Variants in TRPV3 observed in about 807,000 individuals in gnomAD.
TRPV3 encodes VRL-3.
TRPV3 carries 88 observed loss-of-function variants against 87.1 expected under a neutral mutation model. The observed-to-expected ratio is 1.01, with a 90% CI of 0.85 to 1.21. The LOEUF (loss-of-function observed/expected upper bound fraction) is 1.21, where lower values mean the gene tolerates loss of function less well. TRPV3 is among the 50% of genes most tolerant of loss of function. The probability of loss-of-function intolerance (pLI) is 0.00; values close to 1 mark genes in which losing one functional copy is unlikely to be tolerated. For missense variants in TRPV3, 1,054 were observed against 1,030.1 expected (o/e 1.02, Z -0.32); for synonymous variants, 438 against 423.3 (o/e 1.03, Z -0.43).
At chr17:3,533,042 T>A (rs1458332453) in intron 7 of TRPV3, 105 bp from the exon 8 acceptor site, 3 of 1,324,182 alleles carry the variant, frequency 2.3e-6, no homozygotes, top group African/African-American at 2.9e-5. Context: ...GATGGGCACC[T>A]CAGGTTCCCT....
Position 3,543,555 on chromosome 17 carries a change from C to G in TRPV3, c.385G>C (p.Glu129Gln). ...LKKRIFAAVSEGCVEELVELL... is the reference protein window; with the variant it reads ...LKKRIFAAVSQGCVEELVELL... ...TCTACCAACTCCTCCACGCAGCCCT[C>G]AGACACGGCTGCAAAGATGCGCTTC... The change falls in exon 5 of 18, where the codon GAG becomes CAG. Residue 129 changes from glutamate (E) to glutamine (Q), a missense_variant. Coordinates refer to ENST00000576742, the MANE Select transcript of TRPV3 (RefSeq NM_145068.4). The G allele has an allele frequency of 1.2e-6, 2 of 1,614,138 alleles. No homozygotes were observed. Among genetic ancestry groups the G allele is most frequent in the Non-Finnish European group, 1.7e-6 (2 of 1,180,020 alleles).
Position 3,532,891 on chromosome 17 carries a change from A to C in TRPV3, c.831T>G (p.Ile277Met). ...GCTCGTGCTCCATCAGCAGCTGCAC[A>C]ATCTCGGGCTGGTTGGTGCATGCTG... ...ALAACTNQPE[I>M]VQLLMEHEQT... Residue 277 changes from isoleucine to methionine, a missense_variant, in exon 8 of 18, where the codon ATT (isoleucine) becomes ATG (methionine). By Grantham distance (10) the Ile-to-Met change is conservative. Coordinates refer to ENST00000576742, the MANE Select transcript of TRPV3 (RefSeq NM_145068.4). The C allele has an allele frequency of 6.2e-7, 1 of 1,614,176 alleles. No homozygotes were observed.
At chr17:3,544,157 C>T (rs1051924032) in intron 4 of TRPV3, among the ~76,000 whole-genome samples, 7 of 152,206 alleles carry the variant, frequency 4.6e-5, no homozygotes, top group East Asian at 1.9e-4. Context: ...TACAGGCATG[C>T]GCCACCACGC....
At chr17:3,554,380 G>A (rs1292434792) in intron 2 of TRPV3, 1 of 211,836 alleles carries the variant, frequency 4.7e-6, no homozygotes, top group East Asian at 1.1e-4. Flanking sequence ...AGAGGCTCCG[G>A]GTCACCTGGA....
chr17:3,524,784 T>G, intron 12 of TRPV3, among the ~76,000 whole-genome samples: 1 of 135,514 alleles, frequency 7.4e-6, no homozygotes, highest in African/African-American at 2.8e-5. Flanking sequence ...CCAGCCTGAG[T>G]GACATAGTGA....
intron 2 of TRPV3, chr17:3,546,710 G>A (rs1308049152): frequency 4.4e-6 from 2 of 454,934 alleles, no homozygotes; most frequent in Admixed American, 2.4e-5. Context: ...AGGTGTGGTG[G>A]CTCATGCCTG....
rs2074201610 is a variant in TRPV3, at chr17:3,518,194, C to T, written c.2085+382G>A. Among the ~76,000 whole-genome samples, 1 of 152,132 alleles carries T rather than the reference C, an allele frequency of 6.6e-6. No homozygotes were observed. Among genetic ancestry groups the T allele is most frequent in the Admixed American group, 6.5e-5 (1 of 15,268 alleles). ...TTACCACCTCTGAACCCATCCTATG[C>T]ATTGGTTTCCTCAGCATGTAAGAAG... is the stretch of plus-strand genomic sequence containing the variant. On this transcript the variant is annotated intron_variant, in intron 15 of 17. Transcript: ENST00000576742. This position sits in a 1 kb window ranked among gnomAD's most constrained non-coding sequence, Gnocchi z 4.3.
At chr17:3,525,745 G>C (rs1460697706) in intron 12 of TRPV3, among the ~76,000 whole-genome samples, 1 of 151,440 alleles carries the variant, frequency 6.6e-6, no homozygotes, top group African/African-American at 2.4e-5. Context: ...TCAGCCTCCA[G>C]AGTAGCTGGG....
At position 3,513,660 on chromosome 17, in the gene TRPV3, A is replaced by G. The variant is rs1260929261; in HGVS notation, c.*257T>C. 2 of 386,688 alleles carry G rather than the reference A, an allele frequency of 5.2e-6. No homozygotes were observed. Among genetic ancestry groups the G allele is most frequent in the East Asian group, 4.0e-5 (1 of 25,230 alleles). The allele number at this position is 386,688 out of a possible 1,614,324, so 24.0% of individuals were successfully genotyped here. ...TCACCCGGGACTTCAGGAGGCTCCC[A>G]GGCTCCAGACTGCTGCTGGCTGTAG... is the stretch of plus-strand genomic sequence containing the variant. On this transcript the variant is annotated 3_prime_UTR_variant, in exon 18 of 18. Coordinates refer to ENST00000576742, the MANE Select transcript of TRPV3 (RefSeq NM_145068.4).
chr17:3,525,465 G>A lies in TRPV3; in HGVS notation c.1578-1102C>T, dbSNP rs530350854. On this transcript the variant is annotated intron_variant, in intron 12 of 17. Transcript: ENST00000576742. ...CCGGGAAAGGAGAGGAATAGGGGCT[G>A]TTGTTTAAGGGGTATGGAGTTTGAG... Among the ~76,000 whole-genome samples the A allele has an allele frequency of 2.6e-5, 4 of 152,240 alleles. No homozygotes were observed. In the South Asian group the frequency reaches 8.3e-4, roughly 32 times the overall value.
intron 2 of TRPV3, among the ~76,000 whole-genome samples, chr17:3,552,029 C>G (rs1203284106): frequency 6.7e-6 from 1 of 150,062 alleles, no homozygotes; most frequent in African/African-American, 2.4e-5. Flanking sequence ...ATTACAGGTG[C>G]CTACCACAGC....
chr17:3,528,151 C>A lies in TRPV3; in HGVS notation c.1402-25G>T. ...CCTGCAGGGAAAGAAGAGGGGTGGT[C>A]AGTATAGGAAGCAAGGAGGACAGGG... On this transcript the variant is annotated intron_variant, in intron 10 of 17. Transcript: ENST00000576742. This position sits in a 1 kb window ranked among gnomAD's most constrained non-coding sequence, Gnocchi z 4.2. 6.3e-7 allele frequency: 1 copy of A among 1,591,246 alleles called. No individual in the cohort carries two copies. Among genetic ancestry groups the A allele is most frequent in the South Asian group, 1.1e-5 (1 of 89,024 alleles).
intron 15 of TRPV3, 29 bp from the exon 16 acceptor site, chr17:3,516,598 G>C: frequency 6.5e-7 from 1 of 1,541,098 alleles, no homozygotes. Context: ...CTAAGGAGTA[G>C]GCATCCACAC....
Position 3,514,653 on chromosome 17 carries a change from T to C in TRPV3, c.2218A>G (p.Thr740Ala). The C allele has an allele frequency of 6.2e-7, 1 of 1,613,870 alleles. No homozygotes were observed. Among genetic ancestry groups the C allele is most frequent in the Non-Finnish European group, 8.5e-7 (1 of 1,179,768 alleles). ...LCLRINEVKW[T>A]EWKTHVSFLN... ...AAGGAGACGTGCGTCTTCCATTCAG[T>C]CCACTTCACCTCATTGATCCTGCAA... Residue 740 changes from threonine (T) to alanine (A), a missense_variant, in exon 17 of 18, where the codon ACT becomes GCT. Transcript: ENST00000576742.
chr17:3,526,709 GGA>G (rs1220725761), intron 12 of TRPV3, 143 bp downstream of exon 12: 6 of 662,794 alleles, frequency 9.1e-6, no homozygotes, highest in Non-Finnish European at 1.6e-5. Flanking sequence ...GAGGAAGAGA[GGA>G]GACCCCTGGC....
chr17:3,534,961 C>T (rs1054621248), intron 7 of TRPV3, among the ~76,000 whole-genome samples: 1 of 152,086 alleles, frequency 6.6e-6, no homozygotes, highest in Non-Finnish European at 1.5e-5. Context: ...GTGACACCAC[C>T]GGAACATGGA....
chr17:3,533,236 C>A (rs1343533004), intron 7 of TRPV3, among the ~76,000 whole-genome samples: 1 of 152,182 alleles, frequency 6.6e-6, no homozygotes, highest in Admixed American at 6.5e-5. Flanking sequence ...CCCACAAAGC[C>A]CTGCATACTC....
rs545280047 is a variant in TRPV3, at chr17:3,522,228, G to T, written c.1744-1189C>A. On this transcript the variant is annotated intron_variant, in intron 13 of 17. Coordinates refer to ENST00000576742, the MANE Select transcript of TRPV3 (RefSeq NM_145068.4). Reference sequence around the variant, plus strand: ...ATAGCCATATGGCAGGAATTCTAGAGCGATGTGGATCTGCATGTTTCTCCC... The same window carrying T: ...ATAGCCATATGGCAGGAATTCTAGATCGATGTGGATCTGCATGTTTCTCCC... Among the ~76,000 whole-genome samples the T allele has an allele frequency of 4.1e-4, 62 of 152,250 alleles. No individual in the cohort carries two copies. The Middle Eastern group carries it at 0.01, about 25-fold the overall frequency.
In TRPV3 at chr17:3,532,696, G is replaced by A. The variant is rs2074359668; in HGVS notation, c.1026C>T (p.Leu342=). The A allele has an allele frequency of 3.1e-6, 5 of 1,614,242 alleles. No individual in the cohort carries two copies. Among genetic ancestry groups the A allele is most frequent in the Non-Finnish European group, 4.2e-6 (5 of 1,180,046 alleles). ...ELETTRNNDG[L]TPLQLAAKMG... ...TCTTGGCGGCCAGCTGCAGCGGCGT[G>A]AGGCCATCGTTGTTGCGAGTGGTCT... Residue 342 remains leucine (L), a synonymous_variant, in exon 8 of 18, where the codon CTC becomes CTT. Coordinates refer to ENST00000576742, the MANE Select transcript of TRPV3 (RefSeq NM_145068.4).
Sources: gnomAD v4.1 joint callset for allele counts (sites outside exome capture counted in the v4.1 genomes callset) on GRCh38, gnomAD v4.1.1 for gene constraint, Gnocchi (gnomAD v3.1) non-coding constraint, MANE v1.5 for transcripts, NCBI Gene and HGNC (gene_info 2026-07-23, HGNC 2026-07-21) for gene names.